NEK10: variants seen among roughly 807,000 people sequenced by gnomAD.
NEK10 encodes serine/threonine-protein kinase Nek10.
Under a neutral mutation model 159.8 loss-of-function variants are expected in NEK10, and 122 were observed. The ratio of observed to expected loss-of-function variants is 0.76; its 90% CI spans 0.66 to 0.89. The LOEUF (loss-of-function observed/expected upper bound fraction) is 0.89. Among genes scored for constraint, NEK10 ranks in the 40% least tolerant of loss-of-function variants. The pLI is 0.00. For synonymous variants in NEK10, 466 were observed against 457.1 expected (o/e 1.02, Z -0.25); for missense variants, 1,342 against 1,323.1 (o/e 1.01, Z -0.22).
chr3:27,208,530 TGTG>T (rs1008410933), intron 23 of NEK10, among the ~76,000 whole-genome samples: 45 of 152,260 alleles, frequency 3.0e-4, no homozygotes, highest in African/African-American at 1.0e-3. Flanking sequence ...AGCCCACTAA[TGTG>T]GTGATCAGGG....
intron 5 of NEK10, among the ~76,000 whole-genome samples, chr3:27,337,351 C>T (rs1024159320): frequency 1.3e-5 from 2 of 151,800 alleles, no homozygotes. Context: ...ATTCCATGCT[C>T]GTGGATCAGA....
At chr3:27,126,730 C>A (rs1490372527) in intron 32 of NEK10, among the ~76,000 whole-genome samples, 1 of 151,870 alleles carries the variant, frequency 6.6e-6, no homozygotes, top group Non-Finnish European at 1.5e-5. Context: ...GATTCTCACC[C>A]TTGGCTGCAA....
intron 26 of NEK10, among the ~76,000 whole-genome samples, chr3:27,184,305 A>G (rs964990034): frequency 5.3e-5 from 8 of 152,322 alleles, no homozygotes; most frequent in African/African-American, 1.4e-4. Context: ...TTTGTCATGG[A>G]AAAAAAGCCA....
At chr3:27,158,522 A>G (rs1945716851) in intron 30 of NEK10, among the ~76,000 whole-genome samples, 1 of 152,174 alleles carries the variant, frequency 6.6e-6, no homozygotes, top group Non-Finnish European at 1.5e-5. Flanking sequence ...TGCCTTTACT[A>G]ACAAAATGGA....
At chr3:27,360,629 A>G (rs1204533184) in intron 1 of NEK10, among the ~76,000 whole-genome samples, 1 of 152,234 alleles carries the variant, frequency 6.6e-6, no homozygotes, top group Non-Finnish European at 1.5e-5. Flanking sequence ...GCCCTTAGCC[A>G]AGGGCAGAGG....
At chr3:27,229,740 A>C (rs1462052142) in intron 23 of NEK10, among the ~76,000 whole-genome samples, 1 of 152,162 alleles carries the variant, frequency 6.6e-6, no homozygotes, top group Non-Finnish European at 1.5e-5. Flanking sequence ...GGACAGTTTC[A>C]ACAATAGACT....
At chr3:27,235,593 C>T (rs2197434) in intron 23 of NEK10, among the ~76,000 whole-genome samples, 39,118 of 151,914 alleles carry the variant, frequency 0.26, 5,189 homozygotes, top group Middle Eastern at 0.38. Context: ...ATGGCTATCA[C>T]TAAGAAGTCA....
intron 15 of NEK10, 103 bp downstream of exon 15, chr3:27,295,510 G>A (rs2149510314): frequency 5.8e-6 from 8 of 1,382,838 alleles, no homozygotes; most frequent in Non-Finnish European, 7.7e-6. Context: ...TCAGTACAGG[G>A]ACCAGTACTA....
intron 5 of NEK10, among the ~76,000 whole-genome samples, chr3:27,342,528 T>A (rs912368613): frequency 1.3e-5 from 2 of 152,184 alleles, no homozygotes; most frequent in South Asian, 4.1e-4. Context: ...AGCAAAGAGA[T>A]CTACAATTAT....
chr3:27,284,607 G>T lies in NEK10; in HGVS notation c.2009C>A (p.Thr670Asn), dbSNP rs777482894. The change falls in exon 22 of 36, where the codon ACC becomes AAC. Residue 670 changes from threonine to asparagine, a missense_variant. Thr to Asn is a moderately conservative substitution (Grantham distance 65). Transcript: ENST00000691995. The stretch of plus-strand genomic sequence containing the variant: ...TTAAAAATCTTTATACTTACTAACG[G>T]TTACTTTGTCCTTATCCCCCAACAT... ...NIMLGDKDKV[T>N]VTDFGLAKQK... is the part of the protein sequence containing the mutation. The T allele has an allele frequency of 6.5e-7, 1 of 1,540,856 alleles. No individual in the cohort carries two copies. The highest frequency in any genetic ancestry group is 1.4e-5 in the African/African-American group (1 of 73,504).
At position 27,310,914 on chromosome 3, in the gene NEK10, G is replaced by T. The variant is rs753937390; in HGVS notation, c.636+35C>A. 17 of 1,310,856 alleles carry T rather than the reference G, an allele frequency of 1.3e-5. 2 individuals are homozygous for T. In the South Asian group the frequency reaches 1.9e-4, roughly 15 times the overall value. The allele number at this position is 1,310,856 out of a possible 1,614,324, so 81.2% of individuals were successfully genotyped here. Reference sequence around the variant, plus strand: ...CCCTAATGTGAACTATTGCCATAGGGAGCTGAAGCATTAACTCTTTCAGGG... The same window carrying T: ...CCCTAATGTGAACTATTGCCATAGGTAGCTGAAGCATTAACTCTTTCAGGG... On this transcript the variant is annotated intron_variant, in intron 9 of 35. Transcript: ENST00000691995.
chr3:27,231,658 G>A (rs1325278409), intron 23 of NEK10, among the ~76,000 whole-genome samples: 1 of 151,858 alleles, frequency 6.6e-6, no homozygotes, highest in African/African-American at 2.4e-5. Flanking sequence ...AATGAAACTG[G>A]AGACATTACA....
At chr3:27,191,978 C>T in intron 26 of NEK10, 51 bp downstream of exon 26, 1 of 1,519,692 alleles carries the variant, frequency 6.6e-7, no homozygotes, top group Non-Finnish European at 9.1e-7. Context: ...TGAACAACTT[C>T]AGACAGCCCA....
chr3:27,258,979 G>T (rs1016192070), intron 22 of NEK10, among the ~76,000 whole-genome samples: 1 of 152,146 alleles, frequency 6.6e-6, no homozygotes, highest in Non-Finnish European at 1.5e-5. Context: ...GTGATGATGA[G>T]CATTTTTTCA....
intron 16 of NEK10, among the ~76,000 whole-genome samples, chr3:27,292,605 G>A (rs535656327): frequency 6.6e-5 from 10 of 152,062 alleles, no homozygotes; most frequent in Non-Finnish European, 8.8e-5. Flanking sequence ...AGGCCAAGGC[G>A]GGTGGATAAC....
intron 23 of NEK10, chr3:27,214,730 T>C: frequency 1.4e-6 from 1 of 728,036 alleles, no homozygotes; most frequent in East Asian, 2.6e-5. Context: ...GGCACTTCAG[T>C]ATTCCTGAGG....
chr3:27,165,323 C>A (rs1292009757), intron 29 of NEK10, among the ~76,000 whole-genome samples: 1 of 152,168 alleles, frequency 6.6e-6, no homozygotes, highest in South Asian at 2.1e-4. Flanking sequence ...TTTAACTATG[C>A]AATTGTTGGG....
chr3:27,265,947 C>T (rs571886126), intron 22 of NEK10, among the ~76,000 whole-genome samples: 1 of 151,834 alleles, frequency 6.6e-6, no homozygotes, highest in South Asian at 2.1e-4. Context: ...GCTGGGACTA[C>T]AGGTGTCCGC....
intron 11 of NEK10, 112 bp from the exon 12 acceptor site, chr3:27,305,083 G>A: frequency 1.4e-6 from 1 of 695,860 alleles, no homozygotes; most frequent in Non-Finnish European, 2.4e-6. Context: ...CATTTTGTAA[G>A]TCATGGGTCA....
Sources: gnomAD v4.1 joint callset for allele counts (sites outside exome capture counted in the v4.1 genomes callset) on GRCh38, gnomAD v4.1.1 for gene constraint, MANE v1.5 for transcripts, NCBI Gene and HGNC (gene_info 2026-07-23, HGNC 2026-07-21) for gene names.